The following TNNI3K variants were observed in gnomAD, a reference collection of about 807,000 sequenced individuals.
The protein encoded by TNNI3K is serine/threonine-protein kinase TNNI3K.
A neutral mutation model predicts 114.5 loss-of-function variants in TNNI3K; 140 were observed. The ratio of observed to expected loss-of-function variants is 1.22; its 90% CI spans 1.07 to 1.41. TNNI3K has a LOEUF of 1.41. Among genes scored for constraint, TNNI3K ranks in the 40% most tolerant of loss-of-function variants. The pLI is 0.00. For missense variants in TNNI3K, 1,125 were observed against 1,007.6 expected, an observed-to-expected ratio of 1.12 and a Z score of -1.58; for synonymous variants, 347 against 347.5, an observed-to-expected ratio of 1.00 and a Z score of 0.02.
chr1:74,481,762 T>A (rs1668517441), intron 21 of TNNI3K, among the ~76,000 whole-genome samples: 1 of 152,202 alleles, frequency 6.6e-6, no homozygotes, highest in African/African-American at 2.4e-5. Flanking sequence ...AGAAGTATTA[T>A]AATCAGGAGT....
rs113526982 is a variant in TNNI3K at position 74,324,184 on chromosome 1, T to G, written c.445-7266T>G. On this transcript the variant is annotated intron_variant, in intron 5 of 24. Coordinates refer to ENST00000326637, the MANE Select transcript of TNNI3K (RefSeq NM_015978.3). ...ACCTAAGTGTCCAATTTGTGACCAG[T>G]TGCTTCTCTCACAGGAAACTTGTTG... is the stretch of plus-strand genomic sequence containing the variant. Among the ~76,000 whole-genome samples the G allele has an allele frequency of 8.0e-3, 1,217 of 152,346 alleles. 15 individuals are homozygous for G. Among genetic ancestry groups the G allele is most frequent in the African/African-American group, 0.028 (1,159 of 41,576 alleles).
chr1:74,376,448 G>A (rs1265435891), intron 17 of TNNI3K, among the ~76,000 whole-genome samples: 1 of 151,832 alleles, frequency 6.6e-6, no homozygotes, highest in Non-Finnish European at 1.5e-5. Context: ...TCATCTTCAG[G>A]AGACTTCTGA....
At position 74,463,542 on chromosome 1, in the gene TNNI3K, T is replaced by C. The variant is rs1158952051; in HGVS notation, c.2113T>C (p.Cys705Arg). 2.5e-6 allele frequency: 4 copies of C among 1,614,066 alleles called. No homozygotes were observed. The highest frequency in any genetic ancestry group is 3.4e-6 in the Non-Finnish European group (4 of 1,180,024). The part of the protein sequence containing the change: ...SSLLIRGWNA[C>R]PEGRPEFSEV... Reference sequence around the variant, plus strand: ...TCTGCTGATACGAGGGTGGAACGCATGTCCTGAAGTGAGTAATTTTTATTT... The same window carrying C: ...TCTGCTGATACGAGGGTGGAACGCACGTCCTGAAGTGAGTAATTTTTATTT... The change falls in exon 21 of 25, where the codon TGT becomes CGT. Residue 705 changes from cysteine (C) to arginine (R), a missense_variant. Physicochemically the swap from Cys to Arg is radical, Grantham distance 180 (BLOSUM62 -3). Transcript: ENST00000326637.
intron 5 of TNNI3K, among the ~76,000 whole-genome samples, chr1:74,289,851 A>G (rs1300157988): frequency 6.6e-6 from 1 of 151,924 alleles, no homozygotes; most frequent in Non-Finnish European, 1.5e-5. Flanking sequence ...GACACCGATA[A>G]TACTAAGAAG....
chr1:74,501,089 A>T (rs1215681091), intron 23 of TNNI3K, among the ~76,000 whole-genome samples: 1 of 152,016 alleles, frequency 6.6e-6, no homozygotes, highest in East Asian at 1.9e-4. Context: ...TCTTTCTGGA[A>T]TTCTAGTTGG....
intron 23 of TNNI3K, among the ~76,000 whole-genome samples, chr1:74,501,509 T>TTGTTTTA (rs1669630481): frequency 6.6e-6 from 1 of 151,910 alleles, no homozygotes; most frequent in South Asian, 2.1e-4. Flanking sequence ...TGTTTGTTTT[T>TTGTTTTA]TGAGACTGGC....
At chr1:74,469,746 CAA>C (rs1385194090) in intron 21 of TNNI3K, 3 of 395,610 alleles carry the variant, frequency 7.6e-6, no homozygotes, top group African/African-American at 6.2e-5. Flanking sequence ...TTATTGATAA[CAA>C]AGAGTTACTG....
intron 7 of TNNI3K, among the ~76,000 whole-genome samples, chr1:74,336,799 C>T (rs1267902398): frequency 4.6e-5 from 7 of 151,410 alleles, no homozygotes; most frequent in Admixed American, 2.0e-4. Flanking sequence ...TGAATAATGC[C>T]GCAATAAACA....
At chr1:74,466,448 A>C (rs183668036) in intron 21 of TNNI3K, among the ~76,000 whole-genome samples, 14 of 152,288 alleles carry the variant, frequency 9.2e-5, no homozygotes, top group East Asian at 3.9e-4. Flanking sequence ...CAGAAATTGG[A>C]ATATGGCCAA....
chr1:74,312,441 T>G (rs1345930499), intron 5 of TNNI3K, among the ~76,000 whole-genome samples: 1 of 152,216 alleles, frequency 6.6e-6, no homozygotes, highest in African/African-American at 2.4e-5. Flanking sequence ...GAGCTGAGTG[T>G]TAAGGGCAAA....
Position 74,241,931 on chromosome 1 carries a change from G to A in TNNI3K, c.149+5721G>A, listed in dbSNP as rs534525353. Among the ~76,000 whole-genome samples, 399 of 150,186 alleles carry A rather than the reference G, an allele frequency of 2.7e-3. 1 individual carries two copies. Among genetic ancestry groups the A allele is most frequent in the Non-Finnish European group, 4.8e-3 (328 of 67,764 alleles). On this transcript the variant is annotated intron_variant, in intron 2 of 24. Transcript: ENST00000326637. ...GTGGCGCGATCTAGGCTCACTGCAAGCTCCGCCTCCTGGATTCACGCCATT... is the reference window on the plus strand; with the variant it reads ...GTGGCGCGATCTAGGCTCACTGCAAACTCCGCCTCCTGGATTCACGCCATT...
intron 5 of TNNI3K, among the ~76,000 whole-genome samples, chr1:74,307,844 T>C (rs1658742126): frequency 6.6e-6 from 1 of 151,978 alleles, no homozygotes; most frequent in Non-Finnish European, 1.5e-5. Flanking sequence ...ATGCCTGTAA[T>C]CCCAGCTACT....
In TNNI3K at chr1:74,480,911, T is replaced by G. The variant is rs549581931; in HGVS notation, c.2122-8278T>G. 48 of 717,356 alleles carry G rather than the reference T, an allele frequency of 6.7e-5. No individual in the cohort carries two copies. In the African/African-American group the frequency reaches 8.2e-4, roughly 12 times the overall value. 44.4% of individuals were successfully genotyped at this position (717,356 alleles called of 1,614,324 possible). A position where few individuals can be genotyped will look rare whatever the true frequency, so the allele number is the denominator to read the frequency against. On this transcript the variant is annotated intron_variant, in intron 21 of 24. Coordinates refer to ENST00000326637, the MANE Select transcript of TNNI3K (RefSeq NM_015978.3). ...AAACAAGAGAGACAGGTTTGTGCTC[T>G]CAATAGAGGAGAGATATCCATCGGT...
chr1:74,370,360 G>T lies in TNNI3K; in HGVS notation c.1740G>T (p.Leu580=). The change falls in exon 17 of 25, where the codon CTG becomes CTT. Residue 580 remains leucine (L), a synonymous_variant. Coordinates refer to ENST00000326637, the MANE Select transcript of TNNI3K (RefSeq NM_015978.3). ...AAGGCATGGAGTACCTTCACAACCT[G>T]ACACAGCCAATTATACATCGTGACT... is the stretch of plus-strand genomic sequence containing the variant. ...VAKGMEYLHN[L]TQPIIHRDLN... The T allele has an allele frequency of 1.9e-6, 3 of 1,607,552 alleles. No individual in the cohort carries two copies. Among genetic ancestry groups the T allele is most frequent in the African/African-American group, 2.7e-5 (2 of 74,730 alleles).
At position 74,483,623 on chromosome 1, in the gene TNNI3K, A is replaced by T. The variant is rs1254930036; in HGVS notation, c.2122-5566A>T. On this transcript the variant is annotated intron_variant, in intron 21 of 24. Transcript: ENST00000326637. The stretch of plus-strand genomic sequence containing the variant: ...GGCATATTTATTAGTATTTTGAAAA[A>T]ATTAAGTTACTTTGCAAAACAATGT... 3.3e-5 allele frequency among the ~76,000 whole-genome samples: 5 copies of T among 152,242 alleles called. No individual in the cohort carries two copies. The East Asian group carries it at 9.6e-4, about 29-fold the overall frequency.
At chr1:74,489,510 T>C (rs372284379) in intron 22 of TNNI3K, among the ~76,000 whole-genome samples, 30 of 152,254 alleles carry the variant, frequency 2.0e-4, no homozygotes, top group South Asian at 1.9e-3. Context: ...AGCTTAAAAA[T>C]TGATAAGTAA....
chr1:74,320,501 G>A (rs1570462008), intron 5 of TNNI3K, among the ~76,000 whole-genome samples: 1 of 152,248 alleles, frequency 6.6e-6, no homozygotes, highest in South Asian at 2.1e-4. Flanking sequence ...AAAGTATCTT[G>A]CAATATATTA....
chr1:74,532,625 C>A (rs1019070334), intron 23 of TNNI3K, among the ~76,000 whole-genome samples: 3 of 151,780 alleles, frequency 2.0e-5, no homozygotes, highest in Non-Finnish European at 4.4e-5. Flanking sequence ...TCCCTCCCCC[C>A]TCGCCCCACC....
chr1:74,420,278 T>A (rs1048828957), intron 17 of TNNI3K, among the ~76,000 whole-genome samples: 2 of 152,148 alleles, frequency 1.3e-5, no homozygotes, highest in African/African-American at 4.8e-5. Context: ...TTAAAACTGC[T>A]GTTTGAAATT....
Sources: allele counts gnomAD v4.1 joint callset (sites outside exome capture counted in the v4.1 genomes callset), GRCh38; gene constraint gnomAD v4.1.1; transcripts MANE v1.5; gene names NCBI Gene and HGNC (gene_info 2026-07-23, HGNC 2026-07-21).